The following FRMD4A variants were observed in gnomAD, a reference collection of about 807,000 sequenced individuals.
FRMD4A encodes the protein FERM domain containing 4A.
In FRMD4A, 29 loss-of-function variants were observed where a neutral mutation model predicts 129.1. The ratio of observed to expected loss-of-function variants is 0.22; its 90% CI spans 0.17 to 0.31. The LOEUF (loss-of-function observed/expected upper bound fraction) is 0.31. FRMD4A is among the 10% of genes least tolerant of loss of function. The pLI, the probability that FRMD4A is intolerant of heterozygous loss-of-function variation, is 1.00. For synonymous variants in FRMD4A, 634 were observed against 571.6 expected (o/e 1.11, Z -1.56); for missense variants, 1,272 against 1,375.8 (o/e 0.92, Z 1.19).
intron 2 of FRMD4A, among the ~76,000 whole-genome samples, chr10:13,942,371 C>A (rs1047575938): frequency 3.9e-5 from 6 of 152,108 alleles, no homozygotes; most frequent in African/African-American, 1.4e-4. Context: ...GCTCTGTGAA[C>A]AAAAGAAGCC....
intron 2 of FRMD4A, among the ~76,000 whole-genome samples, chr10:14,145,818 G>A (rs537316165): frequency 7.9e-5 from 12 of 152,168 alleles, no homozygotes; most frequent in African/African-American, 2.9e-4. Context: ...AAAACACTGG[G>A]GGCATGTTCA....
chr10:14,008,350 G>A, intron 2 of FRMD4A: 1 of 1,028,368 alleles, frequency 9.7e-7, no homozygotes, highest in Non-Finnish European at 1.2e-6. Context: ...GAGGGGGGAT[G>A]GGAAGAAAGA....
intron 9 of FRMD4A, among the ~76,000 whole-genome samples, chr10:13,741,370 G>C (rs1369043745): frequency 6.6e-6 from 1 of 152,122 alleles, no homozygotes; most frequent in Non-Finnish European, 1.5e-5. Flanking sequence ...AGGATTGCTT[G>C]AGCCCAGGAG....
chr10:14,076,059 G>A (rs1465952512), intron 2 of FRMD4A, among the ~76,000 whole-genome samples: 3 of 152,102 alleles, frequency 2.0e-5, no homozygotes, highest in South Asian at 4.1e-4. Context: ...TTTTATTTCC[G>A]CTGCTCACCT....
chr10:14,300,312 T>G (rs1401099261), intron 2 of FRMD4A, among the ~76,000 whole-genome samples: 1 of 152,166 alleles, frequency 6.6e-6, no homozygotes, highest in African/African-American at 2.4e-5. Flanking sequence ...GATGGGCTGA[T>G]CTGAGCACTG....
intron 12 of FRMD4A, among the ~76,000 whole-genome samples, chr10:13,731,948 C>T (rs369100275): frequency 6.6e-6 from 1 of 152,128 alleles, no homozygotes; most frequent in Non-Finnish European, 1.5e-5. Context: ...GGTGTCCCCA[C>T]GTGTTCAGCT....
rs1184269199 is a variant in FRMD4A, at chr10:13,679,426, C to CAAAA, written c.1118-4386_1118-4383dup. ...TGGGTGACAGAGTGAGACTCTGTCT[C>CAAAA]AAAAAAAAAAAAAAAAAAAAAAAAA... On this transcript the variant is annotated intron_variant, in intron 15 of 24. Transcript: ENST00000357447. 1.4e-3 allele frequency among the ~76,000 whole-genome samples: 12 copies of CAAAA among 8,600 alleles called. 1 individual carries two copies. Among genetic ancestry groups the CAAAA allele is most frequent in the African/African-American group, 2.1e-3 (5 of 2,378 alleles). The allele number at this position is 8,600 out of a possible 152,430, so 5.6% of individuals were successfully genotyped here. A position where few individuals can be genotyped will look rare whatever the true frequency, so the allele number is the denominator to read the frequency against.
At chr10:13,875,224 TGAG>T (rs1485139861) in intron 2 of FRMD4A, among the ~76,000 whole-genome samples, 1 of 152,054 alleles carries the variant, frequency 6.6e-6, no homozygotes, top group Admixed American at 6.6e-5. Context: ...ATCGTCTGAG[TGAG>T]GATGGCTAAA....
chr10:13,947,141 C>T (rs118020541), intron 2 of FRMD4A, among the ~76,000 whole-genome samples: 51 of 152,192 alleles, frequency 3.4e-4, no homozygotes, highest in Admixed American at 1.4e-3. Context: ...TTCCAGGCTA[C>T]GGACACTTCA....
intron 15 of FRMD4A, chr10:13,685,285 A>T: frequency 4.0e-5 from 39 of 985,408 alleles, no homozygotes; most frequent in Non-Finnish European, 4.7e-5. Flanking sequence ...GAGTCTCTGG[A>T]AGAGCTTTGC....
intron 2 of FRMD4A, among the ~76,000 whole-genome samples, chr10:14,248,346 A>T (rs995341743): frequency 6.6e-6 from 1 of 152,274 alleles, no homozygotes; most frequent in African/African-American, 2.4e-5. Context: ...TTGCACATGC[A>T]TATTTAAAAC....
chr10:13,884,103 AACACACAC>A (rs57338480), intron 2 of FRMD4A, among the ~76,000 whole-genome samples: 2 of 105,638 alleles, frequency 1.9e-5, no homozygotes, highest in Non-Finnish European at 2.0e-5. Context: ...ATGGAAAAGA[AACACACAC>A]ACACACACAC....
intron 2 of FRMD4A, among the ~76,000 whole-genome samples, chr10:14,291,070 A>C (rs1845836577): frequency 6.6e-6 from 1 of 152,158 alleles, no homozygotes; most frequent in African/African-American, 2.4e-5. Context: ...CCTGAGAGTG[A>C]TACTATGAAG....
chr10:13,973,719 A>C (rs1271029903), intron 2 of FRMD4A, among the ~76,000 whole-genome samples: 1 of 145,318 alleles, frequency 6.9e-6, no homozygotes, highest in African/African-American at 2.8e-5. Flanking sequence ...AGGTAGGACG[A>C]TAGGAAGATA....
chr10:13,984,002 C>CA (rs758118474), intron 2 of FRMD4A, among the ~76,000 whole-genome samples: 2,572 of 141,758 alleles, frequency 0.018, 50 homozygotes, highest in African/African-American at 0.044. Flanking sequence ...GACTCTGTCT[C>CA]AAAAAAAAAA....
intron 2 of FRMD4A, among the ~76,000 whole-genome samples, chr10:14,161,135 T>A (rs919439895): frequency 6.6e-6 from 1 of 152,192 alleles, no homozygotes; most frequent in Non-Finnish European, 1.5e-5. Context: ...TTTGTAGTTT[T>A]AGCAGAGACA....
At chr10:13,738,273 C>A (rs146244644) in intron 11 of FRMD4A, among the ~76,000 whole-genome samples, 1 of 152,136 alleles carries the variant, frequency 6.6e-6, no homozygotes, top group African/African-American at 2.4e-5. Context: ...CATTCCATGC[C>A]GGGATGCTCA....
intron 2 of FRMD4A, among the ~76,000 whole-genome samples, chr10:14,042,799 C>T (rs1331086507): frequency 1.3e-5 from 2 of 151,708 alleles, no homozygotes; most frequent in South Asian, 4.2e-4. Flanking sequence ...TGCACCTCTA[C>T]TAAAAATACA....
rs749156730 is a variant in FRMD4A, at chr10:14,230,549, C to T, written c.45+99509G>A. 1.1e-4 allele frequency among the ~76,000 whole-genome samples: 16 copies of T among 152,204 alleles called. No homozygotes were observed. The East Asian group carries it at 1.3e-3, about 13-fold the overall frequency. On this transcript the variant is annotated intron_variant, in intron 2 of 24. Coordinates refer to ENST00000357447, the MANE Select transcript of FRMD4A (RefSeq NM_018027.5). ...GTCATTTGTTTTGGCTGTGGCTGTA[C>T]GATTGCTACTCACAGGAGCTATCAT...
Sources: gnomAD v4.1 joint callset for allele counts (sites outside exome capture counted in the v4.1 genomes callset) on GRCh38, gnomAD v4.1.1 for gene constraint, MANE v1.5 for transcripts, NCBI Gene and HGNC (gene_info 2026-07-23, HGNC 2026-07-21) for gene names.